PRDM16: variants seen among roughly 807,000 people sequenced by gnomAD.
The protein encoded by PRDM16 is histone-lysine N-methyltransferase PRDM16.
A neutral mutation model predicts 110.6 loss-of-function variants in PRDM16; 23 were observed. The observed-to-expected ratio is 0.21, with a 90% CI of 0.15 to 0.29. The LOEUF (loss-of-function observed/expected upper bound fraction) is 0.29, where lower values mean the gene tolerates loss of function less well. Ranked by LOEUF, PRDM16 falls within the 10% of genes least tolerant of loss-of-function variation. The pLI is 1.00. For missense variants in PRDM16, 1,615 were observed against 1,794.3 expected, an observed-to-expected ratio of 0.90 and a Z score of 1.81; for synonymous variants, 799 against 781.8, an observed-to-expected ratio of 1.02 and a Z score of -0.37.
At chr1:3,129,266 A>ATG (rs372665094) in intron 1 of PRDM16, among the ~76,000 whole-genome samples, 5 of 137,804 alleles carry the variant, frequency 3.6e-5, no homozygotes, top group South Asian at 2.3e-4. Context: ...GGGTGTGTAC[A>ATG]TGTGTGTGTG....
chr1:3,189,704 C>G (rs2651917), intron 2 of PRDM16, among the ~76,000 whole-genome samples: 147,022 of 152,302 alleles, frequency 0.97, 70,989 homozygotes, highest in East Asian at 1. Flanking sequence ...TCCCTCCGTG[C>G]TGGCCTAGAG....
chr1:3,145,484 G>A (rs142072948), intron 1 of PRDM16, among the ~76,000 whole-genome samples: 1,607 of 152,276 alleles, frequency 0.011, 25 homozygotes, highest in Non-Finnish European at 0.018. Context: ...GCCTGGACTG[G>A]AGAGTCCCCA....
At chr1:3,147,123 G>T (rs1410410324) in intron 1 of PRDM16, among the ~76,000 whole-genome samples, 1 of 148,924 alleles carries the variant, frequency 6.7e-6, no homozygotes, top group East Asian at 2.0e-4. Flanking sequence ...TGCTCGGTAT[G>T]GAGTGTGTGT....
chr1:3,388,545 T>C (rs958866085), intron 4 of PRDM16, among the ~76,000 whole-genome samples: 5 of 152,164 alleles, frequency 3.3e-5, no homozygotes, highest in African/African-American at 9.7e-5. Context: ...CAGAAGACAG[T>C]GTAAACGTCC....
chr1:3,406,245 G>A (rs1020615908), intron 8 of PRDM16, among the ~76,000 whole-genome samples: 1 of 152,086 alleles, frequency 6.6e-6, no homozygotes, highest in African/African-American at 2.4e-5. Flanking sequence ...GGGTGCAGCG[G>A]TGTGGGGTTA....
chr1:3,273,897 G>A (rs537247781), intron 3 of PRDM16, among the ~76,000 whole-genome samples: 6 of 141,412 alleles, frequency 4.2e-5, no homozygotes, highest in Admixed American at 7.1e-5. Flanking sequence ...GGGTAGGTGC[G>A]TGTGCACGTG....
At chr1:3,405,258 C>G (rs1275349152) in intron 7 of PRDM16, among the ~76,000 whole-genome samples, 1 of 152,230 alleles carries the variant, frequency 6.6e-6, no homozygotes, top group Non-Finnish European at 1.5e-5. Flanking sequence ...TCTCACGCAG[C>G]CTCAGTTCAG....
chr1:3,363,858 GC>G (rs1642761543), intron 3 of PRDM16, among the ~76,000 whole-genome samples: 1 of 152,144 alleles, frequency 6.6e-6, no homozygotes, highest in African/African-American at 2.4e-5. Flanking sequence ...CACAACACGG[GC>G]CCGCTGCAGC....
chr1:3,304,043 T>C (rs1641260567), intron 3 of PRDM16, among the ~76,000 whole-genome samples: 2 of 141,832 alleles, frequency 1.4e-5, no homozygotes, highest in African/African-American at 5.4e-5. Flanking sequence ...CAAGCCCTGG[T>C]GTGCATGCTG....
chr1:3,193,030 G>A (rs904563722), intron 2 of PRDM16, among the ~76,000 whole-genome samples: 1 of 151,796 alleles, frequency 6.6e-6, no homozygotes, highest in Admixed American at 6.6e-5. Context: ...CAGTCACAGC[G>A]GCCAGACGGC....
intron 2 of PRDM16, among the ~76,000 whole-genome samples, chr1:3,195,092 C>T (rs115153418): frequency 0.016 from 2,453 of 152,270 alleles, 67 homozygotes; most frequent in African/African-American, 0.055. Context: ...GGCAGCTCGG[C>T]GAGGCACACA....
At chr1:3,408,673 AGT>A (rs1279016086) in intron 8 of PRDM16, among the ~76,000 whole-genome samples, 1 of 130,326 alleles carries the variant, frequency 7.7e-6, no homozygotes, top group Admixed American at 7.7e-5. Context: ...AGAGTGTGTG[AGT>A]GTGAGCACGT....
At chr1:3,276,123 G>T (rs564214911) in intron 3 of PRDM16, among the ~76,000 whole-genome samples, 2 of 152,232 alleles carry the variant, frequency 1.3e-5, no homozygotes, top group African/African-American at 2.4e-5. Context: ...GGGCTTCAAG[G>T]GGGGAGAAAC....
chr1:3,286,650 G>GA (rs201655632), intron 3 of PRDM16, among the ~76,000 whole-genome samples: 2,743 of 152,210 alleles, frequency 0.018, 84 homozygotes, highest in African/African-American at 0.062. Flanking sequence ...TGGGGGTTCA[G>GA]CCTTCTGCAC....
intron 12 of PRDM16, among the ~76,000 whole-genome samples, chr1:3,422,081 ACAAG>A (rs781323070): frequency 2.0e-5 from 3 of 148,760 alleles, no homozygotes; most frequent in Non-Finnish European, 4.5e-5. Flanking sequence ...GGCAGGGCAG[ACAAG>A]CAGGAAGGAA....
intron 3 of PRDM16, among the ~76,000 whole-genome samples, chr1:3,278,933 C>T (rs112856994): frequency 3.3e-5 from 5 of 152,360 alleles, no homozygotes; most frequent in South Asian, 2.1e-4. Context: ...CGCTTCCCTC[C>T]GGCCGGCCCT....
At position 3,371,793 on chromosome 1, in the gene PRDM16, G is replaced by T. The variant is rs193200700; in HGVS notation, c.439-13359G>T. ...GTGGACAGCCAGCACCCACCGCCCA[G>T]CCCATCTGCCCTTTCTGGCTGTGCA... On this transcript the variant is annotated intron_variant, in intron 3 of 16. Transcript: ENST00000270722. Among the ~76,000 whole-genome samples the T allele has an allele frequency of 2.0e-4, 30 of 152,364 alleles. No homozygotes were observed. The East Asian group carries it at 5.0e-3, about 25-fold the overall frequency.
chr1:3,360,940 G>A (rs913155113), intron 3 of PRDM16, among the ~76,000 whole-genome samples: 3 of 152,312 alleles, frequency 2.0e-5, no homozygotes, highest in African/African-American at 4.8e-5. Flanking sequence ...GTCCCGCGGC[G>A]GGAACGAGGC....
intron 1 of PRDM16, among the ~76,000 whole-genome samples, chr1:3,071,370 G>A (rs1356041737): frequency 2.0e-5 from 3 of 152,276 alleles, no homozygotes. Flanking sequence ...GGCCCAGCGG[G>A]AGCGCCGAGC....
Sources: allele counts gnomAD v4.1 joint callset (sites outside exome capture counted in the v4.1 genomes callset), GRCh38; gene constraint gnomAD v4.1.1; transcripts MANE v1.5; gene names NCBI Gene and HGNC (gene_info 2026-07-23, HGNC 2026-07-21).